MAGI1: variants seen among roughly 807,000 people sequenced by gnomAD.
MAGI1 encodes the protein membrane-associated guanylate kinase, WW and PDZ domain-containing protein 1.
A neutral mutation model predicts 139.9 loss-of-function variants in MAGI1; 58 were observed. That is an observed-to-expected ratio of 0.41 (90% confidence interval 0.34 to 0.52). The LOEUF is 0.52. Ranked by LOEUF, MAGI1 falls within the 20% of genes least tolerant of loss-of-function variation. The pLI, the probability that MAGI1 is intolerant of heterozygous loss-of-function variation, is 0.12. For missense variants in MAGI1, 1,874 were observed against 1,901.6 expected (o/e 0.99, Z 0.27); for synonymous variants, 812 against 737.9 (o/e 1.10, Z -1.63).
At chr3:65,948,600 A>G (rs900013653) in intron 1 of MAGI1, among the ~76,000 whole-genome samples, 5 of 152,200 alleles carry the variant, frequency 3.3e-5, no homozygotes, top group Non-Finnish European at 7.3e-5. Context: ...TAACCCAAAA[A>G]ACATCTAAAT....
intron 12 of MAGI1, among the ~76,000 whole-genome samples, chr3:65,417,599 G>A (rs1231728579): frequency 6.6e-6 from 1 of 151,842 alleles, no homozygotes; most frequent in Non-Finnish European, 1.5e-5. Flanking sequence ...ATGGTGAAAA[G>A]AAAGTCCTAG....
chr3:65,827,408 AC>A (rs1262567949), intron 1 of MAGI1, among the ~76,000 whole-genome samples: 9 of 152,188 alleles, frequency 5.9e-5, no homozygotes, highest in East Asian at 5.8e-4. Flanking sequence ...ACAAAAAAAA[AC>A]ATTTTAAAGT....
intron 3 of MAGI1, among the ~76,000 whole-genome samples, chr3:65,492,727 G>C (rs1222698229): frequency 1.3e-5 from 2 of 152,112 alleles, no homozygotes; most frequent in Non-Finnish European, 2.9e-5. Context: ...AAGGTAATCA[G>C]ATTATTTATA....
intron 3 of MAGI1, among the ~76,000 whole-genome samples, chr3:65,486,068 T>G (rs1325896338): frequency 6.6e-6 from 1 of 152,210 alleles, no homozygotes; most frequent in Non-Finnish European, 1.5e-5. Flanking sequence ...AGAACAGGAC[T>G]CTAGACAGTC....
intron 1 of MAGI1, among the ~76,000 whole-genome samples, chr3:65,633,598 GA>G (rs2084432475): frequency 6.6e-6 from 1 of 152,194 alleles, no homozygotes; most frequent in African/African-American, 2.4e-5. Context: ...CCCGCAGTGA[GA>G]AAAAATTTGA....
intron 1 of MAGI1, among the ~76,000 whole-genome samples, chr3:65,784,622 G>A (rs1003657338): frequency 2.0e-5 from 3 of 152,112 alleles, no homozygotes; most frequent in African/African-American, 7.2e-5. Flanking sequence ...GGAGAATGGC[G>A]TGAACCAAGA....
At chr3:65,627,485 CTTTTTTTTTTTTTTTTTTTT>C (rs779588733) in intron 1 of MAGI1, among the ~76,000 whole-genome samples, 95 of 28,348 alleles carry the variant, frequency 3.4e-3, no homozygotes, top group Non-Finnish European at 4.2e-3. Flanking sequence ...ATTTCTGTAT[CTTTTTTTTTTTTTTTTTTTT>C]TTTTTTTTTT....
intron 1 of MAGI1, among the ~76,000 whole-genome samples, chr3:66,036,114 A>G (rs2068903833): frequency 6.6e-6 from 1 of 152,210 alleles, no homozygotes; most frequent in Non-Finnish European, 1.5e-5. Flanking sequence ...GCCTTCACAC[A>G]GTATTTTCTC....
intron 1 of MAGI1, among the ~76,000 whole-genome samples, chr3:65,977,170 G>A (rs1310982408): frequency 2.6e-5 from 4 of 152,088 alleles, no homozygotes; most frequent in Admixed American, 6.6e-5. Context: ...CTCAACATTG[G>A]AAAGGAGACC....
intron 1 of MAGI1, among the ~76,000 whole-genome samples, chr3:65,704,438 T>A (rs924186948): frequency 6.6e-6 from 1 of 152,182 alleles, no homozygotes; most frequent in African/African-American, 2.4e-5. Context: ...CTAGATTGCC[T>A]CCTTTCCCCA....
chr3:65,519,264 T>G (rs1342947387), intron 2 of MAGI1, among the ~76,000 whole-genome samples: 1 of 151,618 alleles, frequency 6.6e-6, no homozygotes. Context: ...GAGGCCACCA[T>G]AAGGACTTTG....
Position 65,367,997 on chromosome 3 carries a change from T to C in MAGI1, c.3197-3051A>G, listed in dbSNP as rs149905022. Among the ~76,000 whole-genome samples the C allele has an allele frequency of 2.6e-5, 4 of 152,340 alleles. No individual in the cohort carries two copies. In the East Asian group the frequency reaches 7.7e-4, roughly 29 times the overall value. On this transcript the variant is annotated intron_variant, in intron 18 of 22. Coordinates refer to ENST00000402939, the MANE Select transcript of MAGI1 (RefSeq NM_001033057.2). ...ATACCCTAGATTTCCAGGATGTTTTTATACTATCAATAAAGTTATGCTTGT... is the reference window on the plus strand; with the variant it reads ...ATACCCTAGATTTCCAGGATGTTTTCATACTATCAATAAAGTTATGCTTGT...
At chr3:65,666,508 A>T (rs2107430975) in intron 1 of MAGI1, among the ~76,000 whole-genome samples, 1 of 152,330 alleles carries the variant, frequency 6.6e-6, no homozygotes, top group South Asian at 2.1e-4. Context: ...GCTGCTTATT[A>T]TAAAACCTTA....
At chr3:65,550,077 G>A (rs375413582) in intron 2 of MAGI1, among the ~76,000 whole-genome samples, 2 of 152,076 alleles carry the variant, frequency 1.3e-5, no homozygotes, top group East Asian at 1.9e-4. Flanking sequence ...CCTCTTCTCA[G>A]TGGAAACCTC....
intron 1 of MAGI1, among the ~76,000 whole-genome samples, chr3:65,680,188 C>A (rs2087483240): frequency 1.3e-5 from 2 of 152,162 alleles, no homozygotes; most frequent in Admixed American, 6.5e-5. Flanking sequence ...GGTCTAGCAT[C>A]TCCCTTGGAT....
At chr3:65,958,269 C>T (rs1297075953) in intron 1 of MAGI1, among the ~76,000 whole-genome samples, 2 of 152,136 alleles carry the variant, frequency 1.3e-5, no homozygotes, top group Non-Finnish European at 2.9e-5. Context: ...GTAAGACATT[C>T]TAAATTTAGC....
At chr3:65,779,057 TGCATA>T (rs1466928208) in intron 1 of MAGI1, among the ~76,000 whole-genome samples, 4 of 152,226 alleles carry the variant, frequency 2.6e-5, no homozygotes, top group Non-Finnish European at 1.5e-5. Context: ...ATGTCACCAG[TGCATA>T]GGAAAAGAAA....
chr3:65,989,533 A>AT (rs1425500718), intron 1 of MAGI1, among the ~76,000 whole-genome samples: 1 of 152,086 alleles, frequency 6.6e-6, no homozygotes, highest in Non-Finnish European at 1.5e-5. Flanking sequence ...ACATAAATTT[A>AT]TTTTTATTTA....
intron 14 of MAGI1, among the ~76,000 whole-genome samples, chr3:65,385,214 A>G (rs1436274099): frequency 6.6e-6 from 1 of 152,206 alleles, no homozygotes; most frequent in Non-Finnish European, 1.5e-5. Context: ...CTTACTATAC[A>G]TGAAATTGTT....
Sources: allele counts gnomAD v4.1 joint callset (sites outside exome capture counted in the v4.1 genomes callset), GRCh38; gene constraint gnomAD v4.1.1; transcripts MANE v1.5; gene names NCBI Gene and HGNC (gene_info 2026-07-23, HGNC 2026-07-21).